The following ABCA8 variants were observed in gnomAD, a reference collection of about 807,000 sequenced individuals.
ABCA8 encodes the protein ABC-type organic anion transporter ABCA8.
Under a neutral mutation model 192.3 loss-of-function variants are expected in ABCA8, and 177 were observed. The observed-to-expected ratio is 0.92, with a 90% confidence interval of 0.81 to 1.04. The LOEUF (loss-of-function observed/expected upper bound fraction) is 1.04, where lower values mean the gene tolerates loss of function less well. Among genes scored for constraint, ABCA8 ranks in the 50% least tolerant of loss-of-function variants. ABCA8 has a pLI of 0.00. For missense variants in ABCA8, 1,915 were observed against 1,904.8 expected (o/e 1.01, Z -0.10); for synonymous variants, 642 against 690.2 (o/e 0.93, Z 1.09).
intron 11 of ABCA8, among the ~76,000 whole-genome samples, chr17:68,924,320 T>C (rs1012407695): frequency 1.4e-5 from 2 of 141,680 alleles, no homozygotes; most frequent in Non-Finnish European, 3.0e-5. Context: ...CACTCCAGCC[T>C]GGGCAACAAG....
At chr17:68,890,868 T>G (rs2066608302) in intron 24 of ABCA8, among the ~76,000 whole-genome samples, 1 of 152,236 alleles carries the variant, frequency 6.6e-6, no homozygotes, top group South Asian at 2.1e-4. Context: ...CTTTTAACTT[T>G]GATGAAGTTC....
intron 17 of ABCA8, among the ~76,000 whole-genome samples, chr17:68,910,266 C>T (rs920153994): frequency 1.3e-5 from 2 of 152,190 alleles, no homozygotes; most frequent in African/African-American, 2.4e-5. Flanking sequence ...GACACAACTT[C>T]CCATCCTTGG....
intron 10 of ABCA8, among the ~76,000 whole-genome samples, chr17:68,926,236 G>T (rs563568126): frequency 2.6e-4 from 40 of 152,176 alleles, no homozygotes; most frequent in African/African-American, 9.6e-4. Flanking sequence ...TACCTAAGAG[G>T]ATACTAATAA....
intron 1 of ABCA8, among the ~76,000 whole-genome samples, chr17:68,951,806 G>T (rs564891455): frequency 3.9e-5 from 6 of 152,076 alleles, no homozygotes; most frequent in Admixed American, 3.9e-4. Flanking sequence ...TTAAATATTT[G>T]GTTACTATAT....
chr17:68,942,112 C>T (rs1369387198), intron 2 of ABCA8, 73 bp from the exon 3 acceptor site: 2 of 1,142,508 alleles, frequency 1.8e-6, no homozygotes, highest in Non-Finnish European at 1.3e-6. Context: ...CTGCAAACAA[C>T]AAAAAAACGT....
At chr17:68,933,027 A>G in intron 6 of ABCA8, 141 bp downstream of exon 6, 1 of 647,458 alleles carries the variant, frequency 1.5e-6, no homozygotes, top group East Asian at 2.6e-5. Context: ...TCCGTGGTAT[A>G]TAGTAACTTC....
rs147188485 is a variant in ABCA8 at position 68,900,183 on chromosome 17, A to G, written c.2764+2530T>C. On this transcript the variant is annotated intron_variant, in intron 21 of 39. Coordinates refer to ENST00000586539, the MANE Select transcript of ABCA8 (RefSeq NM_001288985.2). ...AGAAGTTGGTTCCTTGAAAGCATCA[A>G]CAAAATTGAGGAACCCTTAGCTAGG... Among the ~76,000 whole-genome samples the G allele has an allele frequency of 4.8e-3, 725 of 152,210 alleles. 3 individuals carry two copies. Among genetic ancestry groups the G allele is most frequent in the Non-Finnish European group, 7.8e-3 (529 of 67,952 alleles).
At chr17:68,921,969 C>G (rs898335307) in intron 12 of ABCA8, among the ~76,000 whole-genome samples, 3 of 151,792 alleles carry the variant, frequency 2.0e-5, no homozygotes, top group Non-Finnish European at 4.4e-5. Flanking sequence ...CTTAGACTAC[C>G]TCAATATTAC....
At chr17:68,881,084 C>A in intron 32 of ABCA8, 36 bp downstream of exon 32, 1 of 1,366,354 alleles carries the variant, frequency 7.3e-7, no homozygotes, top group Non-Finnish European at 1.0e-6. Flanking sequence ...ATCTATTTCA[C>A]CATTAGATAA....
intron 15 of ABCA8, 76 bp from the exon 16 acceptor site, chr17:68,918,261 T>C (rs1184009447): frequency 6.4e-7 from 1 of 1,569,604 alleles, no homozygotes; most frequent in East Asian, 2.3e-5. Flanking sequence ...AAAAACCATA[T>C]TGATTATATT....
chr17:68,881,026 T>C (rs1470840417), intron 32 of ABCA8, 94 bp downstream of exon 32: 1 of 855,448 alleles, frequency 1.2e-6, no homozygotes, highest in African/African-American at 1.7e-5. Flanking sequence ...TTCAGTTATA[T>C]AAGGATTAAG....
intron 24 of ABCA8, among the ~76,000 whole-genome samples, chr17:68,888,046 TTATATACACACA>T (rs934799319): frequency 3.4e-5 from 5 of 145,514 alleles, no homozygotes; most frequent in African/African-American, 1.3e-4. Context: ...TGTGTTTATT[TTATATACACACA>T]TATATACACA....
chr17:68,946,623 T>C (rs947545716), intron 2 of ABCA8, among the ~76,000 whole-genome samples: 1 of 152,160 alleles, frequency 6.6e-6, no homozygotes, highest in Non-Finnish European at 1.5e-5. Context: ...TAAACTGATA[T>C]ATTAGTTTAA....
Position 68,924,580 on chromosome 17 carries a change from C to A in ABCA8, c.1442+121G>T, listed in dbSNP as rs1332693580. 1.9e-5 allele frequency: 20 copies of A among 1,036,298 alleles called. No individual in the cohort carries two copies. The East Asian group carries it at 4.8e-4, about 25-fold the overall frequency. The allele number at this position is 1,036,298 out of a possible 1,614,324, so 64.2% of individuals were successfully genotyped here. On this transcript the variant is annotated intron_variant, in intron 11 of 39. Coordinates refer to ENST00000586539, the MANE Select transcript of ABCA8 (RefSeq NM_001288985.2). ...AACTTGAGATGGAAAGTGACAGAAG[C>A]AGCATAGGTGAGGACAGGTGGGAAC... is the stretch of plus-strand genomic sequence containing the variant.
chr17:68,939,335 C>T (rs765112615), intron 4 of ABCA8, among the ~76,000 whole-genome samples: 7 of 152,118 alleles, frequency 4.6e-5, no homozygotes, highest in Non-Finnish European at 8.8e-5. Context: ...ATTTGGGATA[C>T]TTCCCTTCCT....
At chr17:68,930,850 AT>A (rs2067849411) in intron 7 of ABCA8, among the ~76,000 whole-genome samples, 1 of 152,168 alleles carries the variant, frequency 6.6e-6, no homozygotes, top group South Asian at 2.1e-4. Context: ...TTGTTGCCCT[AT>A]GCACAGCCCA....
chr17:68,868,441 T>C, intron 38 of ABCA8, 85 bp from the exon 39 acceptor site: 1 of 1,201,846 alleles, frequency 8.3e-7, no homozygotes, highest in Non-Finnish European at 1.2e-6. Context: ...TGATATATTT[T>C]TTAAAAATCT....
At position 68,877,565 on chromosome 17, in the gene ABCA8, C is replaced by T. The variant is rs752906016; in HGVS notation, c.4153G>A (p.Ala1385Thr). 5.1e-5 allele frequency: 83 copies of T among 1,613,814 alleles called. No individual in the cohort carries two copies. Among genetic ancestry groups the T allele is most frequent in the South Asian group, 2.9e-4 (26 of 91,044 alleles). The change falls in exon 33 of 40, where the codon GCC becomes ACC. Residue 1385 changes from alanine (A) to threonine (T), a missense_variant. Transcript: ENST00000586539. ...TVRQHLEVYA[A>T]VKGLRKGDAE... ...TCCCCTTTCCTCAGCCCTTTCACGG[C>T]GGCGTACACCTCCAGGTGCTGCCTC...
In ABCA8 at chr17:68,875,761, T is replaced by G. The variant is rs543065569; in HGVS notation, c.4371-28A>C. ...ATAATGTCAAGAGATTATTTGCAATTTAGGAAATCCTCTAATTAATCAGAA... is the reference window on the plus strand; with the variant it reads ...ATAATGTCAAGAGATTATTTGCAATGTAGGAAATCCTCTAATTAATCAGAA... On this transcript the variant is annotated intron_variant, in intron 35 of 39. Transcript: ENST00000586539. The G allele has an allele frequency of 3.1e-6, 5 of 1,595,672 alleles. No individual in the cohort carries two copies. The Admixed American group carries it at 9.0e-5, about 29-fold the overall frequency.
Sources: allele counts gnomAD v4.1 joint callset (sites outside exome capture counted in the v4.1 genomes callset), GRCh38; gene constraint gnomAD v4.1.1; transcripts MANE v1.5; gene names NCBI Gene and HGNC (gene_info 2026-07-23, HGNC 2026-07-21).